NKX2-2: variants seen among roughly 807,000 people sequenced by gnomAD.
NKX2-2 encodes the protein homeobox protein Nkx-2.2.
In NKX2-2, 8 loss-of-function variants were observed where a neutral mutation model predicts 24.6. The ratio of observed to expected loss-of-function variants is 0.32; its 90% confidence interval spans 0.19 to 0.59. NKX2-2 has a LOEUF of 0.59. Among genes scored for constraint, NKX2-2 ranks in the 20% least tolerant of loss-of-function variants. The pLI, the probability that NKX2-2 is intolerant of heterozygous loss-of-function variation, is 0.86. For missense variants in NKX2-2, 381 were observed against 373.9 expected, an observed-to-expected ratio of 1.02 and a Z score of -0.16; for synonymous variants, 217 against 173.3, an observed-to-expected ratio of 1.25 and a Z score of -1.98.
chr20:21,521,044 A>G, the NKX2-2 span, among the ~76,000 whole-genome samples: 1 of 152,114 alleles, frequency 6.6e-6, no homozygotes, highest in African/African-American at 2.4e-5. Flanking sequence ...TGATGTGAAA[A>G]GTAGTTGTCG....
rs751627982 is a variant in NKX2-2, at chr20:21,512,244, G to A, written c.501C>T (p.Leu167=). Residue 167 remains leucine, a synonymous_variant, in exon 2 of 2, where the codon CTC becomes CTT. Coordinates refer to ENST00000377142, the MANE Select transcript of NKX2-2 (RefSeq NM_002509.4). ...ACCAGATCTTGACCTGCGTGGGCGT[G>A]AGGCGGATGAGGCTGGCCAGGTGTT... ...EREHLASLIR[L]TPTQVKIWFQ... is the part of the protein sequence containing the mutation. 1.9e-6 allele frequency: 3 copies of A among 1,613,886 alleles called. No homozygotes were observed. The East Asian group carries it at 6.7e-5, about 36-fold the overall frequency.
rs1346831177 is a variant in NKX2-2 at position 21,513,844 on chromosome 20, AC to A, written c.-176del. On this transcript the variant is annotated 5_prime_UTR_variant, in exon 1 of 2. Transcript: ENST00000377142. This position sits in a 1 kb window ranked among gnomAD's most constrained non-coding sequence, Gnocchi z 4.6. Reference sequence around the variant, plus strand: ...TTATTATTTTTAAAAAGAGAAAGAAACTGGGGATGGGGAGGAAAAAAATGAA... The same window carrying A: ...TTATTATTTTTAAAAAGAGAAAGAAATGGGGATGGGGAGGAAAAAAATGAA... 4.1e-6 allele frequency: 2 copies of A among 483,102 alleles called. No homozygotes were observed. Among genetic ancestry groups the A allele is most frequent in the Non-Finnish European group, 7.0e-6 (2 of 286,834 alleles). 29.9% of individuals were successfully genotyped at this position (483,102 alleles called of 1,614,324 possible).
chr20:21,516,902 T>G (rs1405226494), upstream of NKX2-2, among the ~76,000 whole-genome samples: 1 of 152,132 alleles, frequency 6.6e-6, no homozygotes, highest in Non-Finnish European at 1.5e-5. Context: ...TCCATGTAGT[T>G]CCCAACTTCT....
rs1383381934 is a variant in NKX2-2, at chr20:21,511,045, T to C, written c.*878A>G. 1 of 152,454 alleles carries C rather than the reference T, an allele frequency of 6.6e-6. No homozygotes were observed. The highest frequency in any genetic ancestry group is 2.4e-5 in the African/African-American group (1 of 41,460). The allele number at this position is 152,454 out of a possible 1,614,324, so 9.4% of individuals were successfully genotyped here. On this transcript the variant is annotated 3_prime_UTR_variant, in exon 2 of 2. Coordinates refer to ENST00000377142, the MANE Select transcript of NKX2-2 (RefSeq NM_002509.4). Reference sequence around the variant, plus strand: ...TTTTCTTTTTTAAACACAGGATTTTTATTAAAATTCTTATTTAAAAAATCG... The same window carrying C: ...TTTTCTTTTTTAAACACAGGATTTTCATTAAAATTCTTATTTAAAAAATCG...
the NKX2-2 span, among the ~76,000 whole-genome samples, chr20:21,521,839 A>G: frequency 6.6e-6 from 1 of 152,104 alleles, no homozygotes; most frequent in Non-Finnish European, 1.5e-5. Flanking sequence ...CTGCGGCGAC[A>G]GCCCCGCCGC....
At chr20:21,519,853 G>A in the NKX2-2 span, among the ~76,000 whole-genome samples, 1 of 152,184 alleles carries the variant, frequency 6.6e-6, no homozygotes, top group African/African-American at 2.4e-5. Flanking sequence ...GCCTAAAGCT[G>A]TGTGAGTCTG....
chr20:21,512,132 C>A lies in NKX2-2; in HGVS notation c.613G>T (p.Val205Leu), dbSNP rs1334497823. 6.2e-7 allele frequency: 1 copy of A among 1,613,674 alleles called. No homozygotes were observed. The highest frequency in any genetic ancestry group is 8.5e-7 in the Non-Finnish European group (1 of 1,179,868). The part of the protein sequence containing the change: ...TPLPSPRRVA[V>L]PVLVRDGKPC... ...TTGCCGTCCCTGACCAAGACGGGCA[C>A]GGCCACCCGGCGCGGCGAGGGCAGG... Residue 205 changes from valine to leucine, a missense_variant, in exon 2 of 2, where the codon GTG becomes TTG. Around this residue, in one of 3 missense-constraint regions of NKX2-2, gnomAD observed 139 missense variants for 121.7 expected, o/e 1.14. Transcript: ENST00000377142.
the NKX2-2 span, among the ~76,000 whole-genome samples, chr20:21,520,905 C>T: frequency 6.6e-6 from 1 of 152,188 alleles, no homozygotes; most frequent in South Asian, 2.1e-4. Context: ...CCAGGAAACA[C>T]GCGCTGAAAG....
chr20:21,512,075 C>T lies in NKX2-2; in HGVS notation c.670G>A (p.Ala224Thr), dbSNP rs1473351791. 6.2e-7 allele frequency: 1 copy of T among 1,613,868 alleles called. No homozygotes were observed. Reference protein sequence around the residue: ...PCHALKAQDLAAATFQAGIPF... With the variant: ...PCHALKAQDLTAATFQAGIPF... ...ATGCCCGCCTGGAAGGTGGCGGCTGCCAGGTCCTGGGCTTTGAGCGCGTGA... is the reference window on the plus strand; with the variant it reads ...ATGCCCGCCTGGAAGGTGGCGGCTGTCAGGTCCTGGGCTTTGAGCGCGTGA... Residue 224 changes from alanine to threonine, a missense_variant, in exon 2 of 2, where the codon GCA (alanine) becomes ACA (threonine). By Grantham distance (58) the Ala-to-Thr change is moderately conservative. Coordinates refer to ENST00000377142, the MANE Select transcript of NKX2-2 (RefSeq NM_002509.4).
chr20:21,514,740 G>C (rs1036580871), upstream of NKX2-2, among the ~76,000 whole-genome samples: 4 of 152,228 alleles, frequency 2.6e-5, no homozygotes, highest in African/African-American at 4.8e-5. Context: ...CAAATGGCAA[G>C]AGCCCAACTT....
At position 21,511,985 on chromosome 20, in the gene NKX2-2, C is replaced by T; in HGVS notation, c.760G>A (p.Ala254Thr). The T allele has an allele frequency of 6.2e-7, 1 of 1,611,974 alleles. No individual in the cohort carries two copies. ...GCTGTCGGGTACTGGGGGGTGCTGGCCGAGCTGTACTGGGCGTTGTACTGC... is the reference window on the plus strand; with the variant it reads ...GCTGTCGGGTACTGGGGGGTGCTGGTCGAGCTGTACTGGGCGTTGTACTGC... ...HMQYNAQYSS[A>T]STPQYPTAHP... Residue 254 changes from alanine (A) to threonine (T), a missense_variant, in exon 2 of 2, where the codon GCC becomes ACC. Physicochemically the swap from Ala to Thr is moderately conservative, Grantham distance 58. Transcript: ENST00000377142.
At chr20:21,522,309 C>A in the NKX2-2 span, among the ~76,000 whole-genome samples, 2 of 152,210 alleles carry the variant, frequency 1.3e-5, no homozygotes, top group African/African-American at 4.8e-5. Flanking sequence ...ACCCGAGCTC[C>A]GGCGCCGCTC....
Position 21,512,021 on chromosome 20 carries a change from G to C in NKX2-2, c.724C>G (p.Leu242Val). Residue 242 changes from leucine to valine, a missense_variant, in exon 2 of 2, where the codon CTG (leucine) becomes GTG (valine). Physicochemically the swap from Leu to Val is conservative, Grantham distance 32 (BLOSUM62 1). Transcript: ENST00000377142. ...IPFSAYSAQS[L>V]QHMQYNAQYS... is the part of the protein sequence containing the mutation. The stretch of plus-strand genomic sequence containing the variant: ...TGGGCGTTGTACTGCATGTGCTGCA[G>C]CGACTGCGCGCTGTAGGCAGAAAAG... 6.2e-7 allele frequency: 1 copy of C among 1,613,614 alleles called. No individual in the cohort carries two copies. The highest frequency in any genetic ancestry group is 8.5e-7 in the Non-Finnish European group (1 of 1,179,940).
upstream of NKX2-2, among the ~76,000 whole-genome samples, chr20:21,518,367 T>C (rs1189262563): frequency 1.3e-5 from 2 of 152,090 alleles, no homozygotes; most frequent in Non-Finnish European, 2.9e-5. Flanking sequence ...AACGGACGCA[T>C]TGGGAGTCCT....
Position 21,513,246 on chromosome 20 carries a change from G to A in NKX2-2, c.259+165C>T, listed in dbSNP as rs1318009326. ...CGGAACTAAGGAGGCTTGAAGAGGA[G>A]GGCAGAGGACATCCTATACAGGTGT... is the stretch of plus-strand genomic sequence containing the variant. On this transcript the variant is annotated intron_variant, in intron 1 of 1. Coordinates refer to ENST00000377142, the MANE Select transcript of NKX2-2 (RefSeq NM_002509.4). The surrounding 1 kb of genome is among the most constrained non-coding windows in gnomAD (Gnocchi z 4.6). Among the ~76,000 whole-genome samples, 3 of 152,234 alleles carry A rather than the reference G, an allele frequency of 2.0e-5. No individual in the cohort carries two copies. The highest frequency in any genetic ancestry group is 7.2e-5 in the African/African-American group (3 of 41,460).
upstream of NKX2-2, among the ~76,000 whole-genome samples, chr20:21,518,016 C>T (rs1004386934): frequency 2.0e-5 from 3 of 152,190 alleles, no homozygotes; most frequent in Non-Finnish European, 4.4e-5. Context: ...TTTCCAGGTA[C>T]CGTCTTGCAC....
upstream of NKX2-2, among the ~76,000 whole-genome samples, chr20:21,516,803 A>G (rs1980651590): frequency 6.6e-6 from 1 of 152,092 alleles, no homozygotes; most frequent in Non-Finnish European, 1.5e-5. Flanking sequence ...TTTCTCGCAT[A>G]TCCCCAGAGC....
rs375070916 is a variant in NKX2-2 at position 21,512,057 on chromosome 20, C to T, written c.688G>A (p.Ala230Thr). ...CTGTAGGCAGAAAAGGGAATGCCCG[C>T]CTGGAAGGTGGCGGCTGCCAGGTCC... ...AQDLAAATFQAGIPFSAYSAQ... is the reference protein window; with the variant it reads ...AQDLAAATFQTGIPFSAYSAQ... The change falls in exon 2 of 2, where the codon GCG becomes ACG. Residue 230 changes from alanine (A) to threonine (T), a missense_variant. By Grantham distance (58) the Ala-to-Thr change is moderately conservative (BLOSUM62 0). Transcript: ENST00000377142. 258 of 1,613,696 alleles carry T rather than the reference C, an allele frequency of 1.6e-4. No homozygotes were observed. The highest frequency in any genetic ancestry group is 2.1e-4 in the Non-Finnish European group (253 of 1,179,960).
Position 21,512,135 on chromosome 20 carries a change from C to G in NKX2-2, c.610G>C (p.Ala204Pro). The change falls in exon 2 of 2, where the codon GCC (alanine) becomes CCC (proline). Residue 204 changes from alanine to proline, a missense_variant. This residue lies in a region of NKX2-2 where 139 missense variants were observed against 121.7 expected (regional missense o/e 1.14). Transcript: ENST00000377142. ...VTPLPSPRRV[A>P]VPVLVRDGKP... is the part of the protein sequence containing the mutation. The stretch of plus-strand genomic sequence containing the variant: ...CCGTCCCTGACCAAGACGGGCACGG[C>G]CACCCGGCGCGGCGAGGGCAGGGGC... 1 of 1,613,672 alleles carries G rather than the reference C, an allele frequency of 6.2e-7. No homozygotes were observed. Among genetic ancestry groups the G allele is most frequent in the Non-Finnish European group, 8.5e-7 (1 of 1,179,866 alleles).
Sources: gnomAD v4.1 joint callset for allele counts (sites outside exome capture counted in the v4.1 genomes callset) on GRCh38, gnomAD v4.1.1 for gene constraint, gnomAD v4.1.1 regional missense constraint, Gnocchi (gnomAD v3.1) non-coding constraint, MANE v1.5 for transcripts, NCBI Gene and HGNC (gene_info 2026-07-23, HGNC 2026-07-21) for gene names.